The following USP36 variants were observed in gnomAD, a reference collection of about 807,000 sequenced individuals.
USP36 encodes ubiquitin carboxyl-terminal hydrolase 36.
In USP36, 59 loss-of-function variants were observed where a neutral mutation model predicts 111.5. The ratio of observed to expected loss-of-function variants is 0.53; its 90% CI spans 0.43 to 0.66. The LOEUF (loss-of-function observed/expected upper bound fraction) is 0.66, where lower values mean the gene tolerates loss of function less well. USP36 is among the 30% of genes least tolerant of loss of function. The pLI, the probability that USP36 is intolerant of heterozygous loss-of-function variation, is 0.00. For synonymous variants in USP36, 628 were observed against 581.0 expected (o/e 1.08, Z -1.16); for missense variants, 1,488 against 1,468.0 (o/e 1.01, Z -0.22).
In USP36 at chr17:78,836,226, G is replaced by A; in HGVS notation, c.138C>T (p.Ser46=). The part of the protein sequence containing the change: ...LLQKIEFEPA[S]KSFSYQLEAL... ...CCTCCAGCTGGTAGGAGAAGCTCTT[G>A]CTGGCTGGCTCGAACTCGATTTTCT... The change falls in exon 3 of 21, where the codon AGC becomes AGT. Residue 46 remains serine, a synonymous_variant. Transcript: ENST00000449938. 6.2e-7 allele frequency: 1 copy of A among 1,614,172 alleles called. No homozygotes were observed. Among genetic ancestry groups the A allele is most frequent in the Non-Finnish European group, 8.5e-7 (1 of 1,180,030 alleles).
At chr17:78,830,030 A>G (rs968602639) in intron 4 of USP36, among the ~76,000 whole-genome samples, 1 of 152,156 alleles carries the variant, frequency 6.6e-6, no homozygotes, top group African/African-American at 2.4e-5. Context: ...TGAGCCATCG[A>G]GCCCAGCCCC....
chr17:78,829,028 GC>G (rs1022531730), intron 4 of USP36, 21 bp from the exon 5 acceptor site: 2 of 1,605,808 alleles, frequency 1.2e-6, no homozygotes, highest in African/African-American at 1.3e-5. Context: ...GGAAGGAGGA[GC>G]AATTTTAAGA....
intron 5 of USP36, 31 bp from the exon 6 acceptor site, chr17:78,827,378 C>A: frequency 6.3e-7 from 1 of 1,582,978 alleles, no homozygotes; most frequent in South Asian, 1.1e-5. Flanking sequence ...GAGGGAAGAG[C>A]TCGTGTCTTC....
chr17:78,827,083 G>T lies in USP36; in HGVS notation c.689+162C>A, dbSNP rs761290189. ...GGAAGCAAGGGCAATCCCCTATTTGGGCTCCAACAGTTTGAGTACCCAGAG... is the reference window on the plus strand; with the variant it reads ...GGAAGCAAGGGCAATCCCCTATTTGTGCTCCAACAGTTTGAGTACCCAGAG... On this transcript the variant is annotated intron_variant, in intron 6 of 20. Coordinates refer to ENST00000449938, the MANE Select transcript of USP36 (RefSeq NM_001385174.1). 63 of 774,594 alleles carry T rather than the reference G, an allele frequency of 8.1e-5. No individual in the cohort carries two copies. In the South Asian group the frequency reaches 9.1e-4, roughly 11 times the overall value. 48.0% of individuals were successfully genotyped at this position (774,594 alleles called of 1,614,324 possible). A position where few individuals can be genotyped will look rare whatever the true frequency, so the allele number is the denominator to read the frequency against.
chr17:78,805,903 A>C (rs2093886207), intron 15 of USP36, among the ~76,000 whole-genome samples: 1 of 152,188 alleles, frequency 6.6e-6, no homozygotes, highest in South Asian at 2.1e-4. Context: ...TCGCAGACAG[A>C]CCACCAACAA....
intron 13 of USP36, among the ~76,000 whole-genome samples, 157 bp downstream of exon 13, chr17:78,812,697 GAAAAAA>G (rs572009070): frequency 0.029 from 1,512 of 52,624 alleles, 38 homozygotes; most frequent in African/African-American, 0.085. Flanking sequence ...ACTCTGTCTC[GAAAAAA>G]AAAAAAAAAA....
rs35273233 is a variant in USP36 at position 78,818,700 on chromosome 17, G to A, written c.990C>T (p.Arg330=). The change falls in exon 10 of 21, where the codon CGC becomes CGT. Residue 330 remains arginine, a synonymous_variant. Coordinates refer to ENST00000449938, the MANE Select transcript of USP36 (RefSeq NM_001385174.1). ...TCTTCCCCCCGCTGAAGTTGGCAAA[G>A]CGCTTGAGGGAAAGGGTTAAGACGT... ...TSNVLTLSLK[R]FANFSGGKIT... The A allele has an allele frequency of 0.17, 282,311 of 1,613,708 alleles. 26,479 individuals carry two copies. The highest frequency in any genetic ancestry group is 0.23 in the Middle Eastern group (1,396 of 6,062).
chr17:78,830,138 A>T (rs9916851), intron 4 of USP36, among the ~76,000 whole-genome samples: 8,630 of 152,238 alleles, frequency 0.057, 779 homozygotes, highest in African/African-American at 0.19. Context: ...TTTTCCATGT[A>T]CCTTCATTCA....
chr17:78,799,709 C>T lies in USP36; in HGVS notation c.3082G>A (p.Glu1028Lys). Residue 1028 changes from glutamate (E) to lysine (K), a missense_variant, in exon 18 of 21, where the codon GAA becomes AAA. Transcript: ENST00000449938. ...TTATCAGATGAGTATTTGAGCAGTTCCTGGACCACATCAGACTCCCGCTCT... is the reference window on the plus strand; with the variant it reads ...TTATCAGATGAGTATTTGAGCAGTTTCTGGACCACATCAGACTCCCGCTCT... ...NGERESDVVQ[E>K]LLKYSSDKAY... 1 of 1,613,246 alleles carries T rather than the reference C, an allele frequency of 6.2e-7. No individual in the cohort carries two copies. Among genetic ancestry groups the T allele is most frequent in the Non-Finnish European group, 8.5e-7 (1 of 1,179,724 alleles).
chr17:78,804,469 A>C (rs1225196408), intron 15 of USP36, among the ~76,000 whole-genome samples: 2 of 130,496 alleles, frequency 1.5e-5, no homozygotes, highest in African/African-American at 5.8e-5. Context: ...CAAAAAAAAA[A>C]AAAACCAAAA....
chr17:78,837,454 C>A (rs993377758), intron 2 of USP36, among the ~76,000 whole-genome samples: 1 of 152,064 alleles, frequency 6.6e-6, no homozygotes, highest in Non-Finnish European at 1.5e-5. Context: ...TTCTCCAAAC[C>A]CCCTATTCTA....
rs115969510 is a variant in USP36 at position 78,804,972 on chromosome 17, C to T, written c.2217-994G>A. On this transcript the variant is annotated intron_variant, in intron 15 of 20. Coordinates refer to ENST00000449938, the MANE Select transcript of USP36 (RefSeq NM_001385174.1). ...TGGCCTAATGACACCTCCACATTAC[C>T]GTCATTAGGACGCTGAAACCGGGAC... Among the ~76,000 whole-genome samples, 501 of 152,124 alleles carry T rather than the reference C, an allele frequency of 3.3e-3. 1 individual carries two copies. Among genetic ancestry groups the T allele is most frequent in the African/African-American group, 0.011 (461 of 41,462 alleles).
At chr17:78,804,625 T>TAAAAAAAAAAAAA (rs35371422) in intron 15 of USP36, among the ~76,000 whole-genome samples, 1 of 38,342 alleles carries the variant, frequency 2.6e-5, no homozygotes. Flanking sequence ...CCCTGAGATT[T>TAAAAAAAAAAAAA]AAAAAAAAAA....
In USP36 at chr17:78,807,606, G is replaced by A. The variant is rs770704168; in HGVS notation, c.1438C>T (p.His480Tyr). The change falls in exon 14 of 21, where the codon CAC becomes TAC. Residue 480 changes from histidine to tyrosine, a missense_variant. His to Tyr is a moderately conservative substitution (Grantham distance 83). Transcript: ENST00000449938. ...GGCACACCAATCTCTTCAGTGGTGTGCGGCTTCTTCATCGTCCCAGAGTCT... is the reference window on the plus strand; with the variant it reads ...GGCACACCAATCTCTTCAGTGGTGTACGGCTTCTTCATCGTCCCAGAGTCT... ...RQDSGTMKKP[H>Y]TTEEIGVPIS... 6.5e-7 allele frequency: 1 copy of A among 1,545,058 alleles called. No homozygotes were observed. The highest frequency in any genetic ancestry group is 8.7e-7 in the Non-Finnish European group (1 of 1,146,792).
At chr17:78,835,532 A>G in intron 3 of USP36, 31 bp from the exon 4 acceptor site, 1 of 1,560,584 alleles carries the variant, frequency 6.4e-7, no homozygotes, top group Non-Finnish European at 8.7e-7. Flanking sequence ...GGAAGAAAAG[A>G]GGAAGACGTA....
chr17:78,835,398 G>C lies in USP36; in HGVS notation c.357C>G (p.Arg119=), dbSNP rs747490867. 5 of 1,614,142 alleles carry C rather than the reference G, an allele frequency of 3.1e-6. No individual in the cohort carries two copies. The African/African-American group carries it at 6.7e-5, about 22-fold the overall frequency. ...RLSLRWERVF[R]VGAGLHNLGN... The stretch of plus-strand genomic sequence containing the variant: ...CAAGGTTGTGGAGTCCTGCGCCCAC[G>C]CGGAAGACCCGCTCCCACCTCAGAG... Residue 119 remains arginine (R), a synonymous_variant, in exon 4 of 21, where the codon CGC becomes CGG. Transcript: ENST00000449938.
chr17:78,821,873 T>C, intron 7 of USP36, 64 bp downstream of exon 7: 1 of 1,592,522 alleles, frequency 6.3e-7, no homozygotes, highest in Admixed American at 1.7e-5. Flanking sequence ...TTCCAACTCT[T>C]AGGGTTTCCT....
intron 6 of USP36, among the ~76,000 whole-genome samples, chr17:78,824,891 A>G (rs1411270769): frequency 6.6e-6 from 1 of 152,222 alleles, no homozygotes; most frequent in Non-Finnish European, 1.5e-5. Context: ...CCATGGCAGA[A>G]TTCAGAACAA....
intron 6 of USP36, among the ~76,000 whole-genome samples, chr17:78,823,877 G>T (rs531331752): frequency 1.3e-5 from 2 of 152,316 alleles, no homozygotes; most frequent in South Asian, 4.1e-4. Flanking sequence ...CTCTGGATAC[G>T]AATCTTGAAA....
Sources: gnomAD v4.1 joint callset for allele counts (sites outside exome capture counted in the v4.1 genomes callset) on GRCh38, gnomAD v4.1.1 for gene constraint, MANE v1.5 for transcripts, NCBI Gene and HGNC (gene_info 2026-07-23, HGNC 2026-07-21) for gene names.